The following KCNQ1 variants were observed in gnomAD, a reference collection of about 807,000 sequenced individuals.
KCNQ1 encodes potassium voltage-gated channel subfamily Q member 1, also known as potassium voltage-gated channel subfamily KQT member 1.
A neutral mutation model predicts 72.4 loss-of-function variants in KCNQ1; 49 were observed. That is an observed-to-expected ratio of 0.68 (90% confidence interval 0.54 to 0.86). The LOEUF is 0.86. KCNQ1 is among the 40% of genes least tolerant of loss of function. The pLI is 0.00. For missense variants in KCNQ1, 790 were observed against 945.1 expected, an observed-to-expected ratio of 0.84 and a Z score of 2.15; for synonymous variants, 450 against 412.6, an observed-to-expected ratio of 1.09 and a Z score of -1.10.
intron 11 of KCNQ1, among the ~76,000 whole-genome samples, chr11:2,702,241 A>G (rs766912108): frequency 6.6e-6 from 1 of 152,232 alleles, no homozygotes; most frequent in Non-Finnish European, 1.5e-5. Context: ...TTCTGGTGGG[A>G]AAGACAGATT....
chr11:2,796,343 C>T (rs1382110489), intron 15 of KCNQ1, among the ~76,000 whole-genome samples: 1 of 152,206 alleles, frequency 6.6e-6, no homozygotes, highest in Non-Finnish European at 1.5e-5. Flanking sequence ...CACGTCAGTT[C>T]TCACGGCTCC....
intron 11 of KCNQ1, among the ~76,000 whole-genome samples, chr11:2,754,596 G>A (rs966975649): frequency 1.3e-5 from 2 of 152,204 alleles, no homozygotes; most frequent in Non-Finnish European, 2.9e-5. Context: ...TGGGACATTG[G>A]CATGTGACCA....
chr11:2,694,244 C>T (rs1850635916), intron 11 of KCNQ1: 1 of 398,696 alleles, frequency 2.5e-6, no homozygotes, highest in Non-Finnish European at 4.4e-6. Flanking sequence ...GGATGCAAGC[C>T]AGGGCCTGCT....
chr11:2,589,181 G>T (rs1589969795), intron 10 of KCNQ1, among the ~76,000 whole-genome samples: 1 of 152,190 alleles, frequency 6.6e-6, no homozygotes, highest in East Asian at 1.9e-4. Flanking sequence ...CGAGCCCACG[G>T]GCTCTGGTTG....
chr11:2,655,580 G>A (rs1849831082), intron 10 of KCNQ1: 1 of 398,568 alleles, frequency 2.5e-6, no homozygotes, highest in Admixed American at 4.4e-5. Flanking sequence ...CTTCAGAGGT[G>A]GGGGTGACAA....
intron 15 of KCNQ1, among the ~76,000 whole-genome samples, chr11:2,789,956 C>T (rs1846987257): frequency 6.6e-6 from 1 of 152,178 alleles, no homozygotes; most frequent in Non-Finnish European, 1.5e-5. Context: ...CTCTCTGTGC[C>T]ACCCATCCTC....
intron 10 of KCNQ1, among the ~76,000 whole-genome samples, chr11:2,605,043 A>G (rs1848860364): frequency 6.6e-6 from 1 of 152,056 alleles, no homozygotes; most frequent in Admixed American, 6.6e-5. Flanking sequence ...CCCTGTGACT[A>G]CTCACGTTGA....
intron 11 of KCNQ1, among the ~76,000 whole-genome samples, chr11:2,758,095 G>T (rs773248494): frequency 6.6e-6 from 1 of 152,170 alleles, no homozygotes; most frequent in Non-Finnish European, 1.5e-5. Context: ...CACTTGTTTT[G>T]TGAAAGCCCC....
chr11:2,572,132 G>A (rs755429537), intron 5 of KCNQ1, 23 bp downstream of exon 5: 49 of 1,574,376 alleles, frequency 3.1e-5, no homozygotes, highest in Non-Finnish European at 4.1e-5. Context: ...GGTTAGGGGT[G>A]CGGGGCCCAG....
At position 2,838,902 on chromosome 11, in the gene KCNQ1, C is replaced by G. The variant is rs539949644; in HGVS notation, c.1795-8865C>G. Among the ~76,000 whole-genome samples the G allele has an allele frequency of 1.8e-3, 267 of 152,254 alleles. 1 individual carries two copies. The highest frequency in any genetic ancestry group is 5.9e-3 in the African/African-American group (245 of 41,534). On this transcript the variant is annotated intron_variant, in intron 15 of 15. Coordinates refer to ENST00000155840, the MANE Select transcript of KCNQ1 (RefSeq NM_000218.3). ...AATCAAATGCAGGTGGGGCCTGTGC[C>G]CACCGCCAGCACAAACACGGCTCCT...
Position 2,768,910 on chromosome 11 carries a change from GA to G in KCNQ1, c.1584del (p.Lys528AsnfsTer65). On this transcript the variant is annotated frameshift_variant, in exon 12 of 16. Transcript: ENST00000155840. LOFTEE classifies it high-confidence loss of function. This position sits in a 1 kb window ranked among gnomAD's most constrained non-coding sequence, Gnocchi z 6.7. ...RRMQYFVAKK[K>X]FQQARKPYDV... ...GCATGCAGTACTTTGTGGCCAAGAA[GA>G]AATTCCAGGTAAGCCCTGTGCTGAG... 1.2e-6 allele frequency: 2 copies of G among 1,613,834 alleles called. No individual in the cohort carries two copies. The highest frequency in any genetic ancestry group is 1.7e-6 in the Non-Finnish European group (2 of 1,179,794).
Position 2,611,303 on chromosome 11 carries a change from T to C in KCNQ1, c.1393+22449T>C, listed in dbSNP as rs370511198. ...GGCGTGACCTTGGCTCACTGCAACC[T>C]CTGCCTCCCGGATTCAAGCCGTTCT... On this transcript the variant is annotated intron_variant, in intron 10 of 15. Transcript: ENST00000155840. This position sits in a 1 kb window ranked among gnomAD's most constrained non-coding sequence, Gnocchi z 5.3. 107 of 397,468 alleles carry C rather than the reference T, an allele frequency of 2.7e-4. No individual in the cohort carries two copies. The highest frequency in any genetic ancestry group is 4.3e-4 in the South Asian group (3 of 7,030). The allele number at this position is 397,468 out of a possible 1,614,324, so 24.6% of individuals were successfully genotyped here.
chr11:2,668,357 G>A lies in KCNQ1; in HGVS notation c.1514+6276G>A, dbSNP rs995960678. ...GCTGCAGGGTCCTGGGTGGGCATAT[G>A]TTTACTCTTAGTGAATACTACCCAG... On this transcript the variant is annotated intron_variant, in intron 11 of 15. Coordinates refer to ENST00000155840, the MANE Select transcript of KCNQ1 (RefSeq NM_000218.3). This position sits in a 1 kb window ranked among gnomAD's most constrained non-coding sequence, Gnocchi z 4.3. 8 of 398,438 alleles carry A rather than the reference G, an allele frequency of 2.0e-5. No individual in the cohort carries two copies. Among genetic ancestry groups the A allele is most frequent in the Non-Finnish European group, 3.5e-5 (8 of 226,066 alleles). 24.7% of individuals were successfully genotyped at this position (398,438 alleles called of 1,614,324 possible). A position where few individuals can be genotyped will look rare whatever the true frequency, so the allele number is the denominator to read the frequency against.
At chr11:2,465,450 C>A (rs1177887786) in intron 1 of KCNQ1, among the ~76,000 whole-genome samples, 2 of 152,236 alleles carry the variant, frequency 1.3e-5, no homozygotes, top group African/African-American at 4.8e-5. Flanking sequence ...TCAGGAGGAA[C>A]CACGGCCCCC....
chr11:2,747,053 T>G (rs569561430), intron 11 of KCNQ1, among the ~76,000 whole-genome samples: 16 of 152,332 alleles, frequency 1.1e-4, no homozygotes, highest in African/African-American at 3.6e-4. Context: ...GTGCTGTCCC[T>G]GGGGCTCTGG....
At position 2,620,478 on chromosome 11, in the gene KCNQ1, A is replaced by G; in HGVS notation, c.1393+31624A>G. 2 of 343,440 alleles carry G rather than the reference A, an allele frequency of 5.8e-6. No homozygotes were observed. The highest frequency in any genetic ancestry group is 1.0e-5 in the Non-Finnish European group (2 of 192,542). The allele number at this position is 343,440 out of a possible 1,614,324, so 21.3% of individuals were successfully genotyped here. A position where few individuals can be genotyped will look rare whatever the true frequency, so the allele number is the denominator to read the frequency against. On this transcript the variant is annotated intron_variant, in intron 10 of 15. Coordinates refer to ENST00000155840, the MANE Select transcript of KCNQ1 (RefSeq NM_000218.3). The surrounding 1 kb of genome is among the most constrained non-coding windows in gnomAD (Gnocchi z 4.5). ...TGATCCACCCGCCTTGGCCTCCCAA[A>G]GTGCTGGGATTACAGGTGAGAGCTA... is the stretch of plus-strand genomic sequence containing the variant.
chr11:2,591,457 G>A (rs1193016420), intron 10 of KCNQ1, among the ~76,000 whole-genome samples: 5 of 152,346 alleles, frequency 3.3e-5, no homozygotes, highest in South Asian at 2.1e-4. Context: ...CACAAAGGGC[G>A]ATTGTGCCAA....
rs12419496 is a variant in KCNQ1, at chr11:2,547,697, A to G, written c.477+19679A>G. ...CAAACAATAAGCTGACTCCATTTCCATCTTTTATAAGTTCAGACCCCCACA... is the reference window on the plus strand; with the variant it reads ...CAAACAATAAGCTGACTCCATTTCCGTCTTTTATAAGTTCAGACCCCCACA... On this transcript the variant is annotated intron_variant, in intron 2 of 15. Coordinates refer to ENST00000155840, the MANE Select transcript of KCNQ1 (RefSeq NM_000218.3). The surrounding 1 kb of genome is among the most constrained non-coding windows in gnomAD (Gnocchi z 4.2). Among the ~76,000 whole-genome samples, 10 of 152,180 alleles carry G rather than the reference A, an allele frequency of 6.6e-5. No homozygotes were observed. The highest frequency in any genetic ancestry group is 5.9e-4 in the Admixed American group (9 of 15,278).
At chr11:2,740,515 G>A (rs1287279224) in intron 11 of KCNQ1, among the ~76,000 whole-genome samples, 1 of 152,178 alleles carries the variant, frequency 6.6e-6, no homozygotes, top group Admixed American at 6.5e-5. Context: ...TTCCTGGCAG[G>A]CCCCGAATGT....
Sources: allele counts gnomAD v4.1 joint callset (sites outside exome capture counted in the v4.1 genomes callset), GRCh38; gene constraint gnomAD v4.1.1; non-coding constraint Gnocchi (gnomAD v3.1); transcripts MANE v1.5; gene names NCBI Gene and HGNC (gene_info 2026-07-23, HGNC 2026-07-21).